The following STYXL2 variants were observed in gnomAD, a reference collection of about 807,000 sequenced individuals.
STYXL2 encodes the protein serine/threonine/tyrosine interacting like 2, also known as serine/threonine/tyrosine-interacting-like protein 2.
In STYXL2, 44 loss-of-function variants were observed where a neutral mutation model predicts 52.4. That is an observed-to-expected ratio of 0.84 (90% CI 0.66 to 1.08). The LOEUF (loss-of-function observed/expected upper bound fraction) is 1.08. Among genes scored for constraint, STYXL2 ranks in the 50% least tolerant of loss-of-function variants. The pLI, the probability that STYXL2 is intolerant of heterozygous loss-of-function variation, is 0.00. For synonymous variants in STYXL2, 604 were observed against 586.9 expected (o/e 1.03, Z -0.42); for missense variants, 1,604 against 1,471.7 (o/e 1.09, Z -1.47).
chr1:167,125,419 C>T (rs1316616736), intron 5 of STYXL2, among the ~76,000 whole-genome samples: 1 of 152,200 alleles, frequency 6.6e-6, no homozygotes, highest in African/African-American at 2.4e-5. Flanking sequence ...TATGATGCTT[C>T]CCAACACCAA....
chr1:167,126,333 A>T lies in STYXL2; in HGVS notation c.1202A>T (p.Glu401Val). Residue 401 changes from glutamate to valine, a missense_variant, in exon 6 of 6, where the codon GAG (glutamate) becomes GTG (valine). Glu to Val is a moderately radical substitution (Grantham distance 121). Transcript: ENST00000361200. ...ATCCAGGAGTGGCAGAGCCGAAACGAGAGGTACCAAGCAGAAGGGTACCGG... is the reference window on the plus strand; with the variant it reads ...ATCCAGGAGTGGCAGAGCCGAAACGTGAGGTACCAAGCAGAAGGGTACCGG... ...RIIQEWQSRN[E>V]RYQAEGYRRW... 6.6e-7 allele frequency: 1 copy of T among 1,522,484 alleles called. No individual in the cohort carries two copies. Among genetic ancestry groups the T allele is most frequent in the Non-Finnish European group, 8.8e-7 (1 of 1,132,366 alleles). The allele number at this position is 1,522,484 out of a possible 1,614,324, so 94.3% of individuals were successfully genotyped here. A position where few individuals can be genotyped will look rare whatever the true frequency, so the allele number is the denominator to read the frequency against.
Position 167,094,566 on chromosome 1 carries a change from C to G in STYXL2, c.-16-268C>G, listed in dbSNP as rs564326818. ...GGTAACCTGCTGGCTCCTCTGCCTG[C>G]TCCCTTGCTGACATCTGTGGAAGGA... On this transcript the variant is annotated intron_variant, in intron 1 of 5. Transcript: ENST00000361200. The G allele has an allele frequency of 1.3e-5, 5 of 392,254 alleles. No homozygotes were observed. In the East Asian group the frequency reaches 2.6e-4, roughly 20 times the overall value. 24.3% of individuals were successfully genotyped at this position (392,254 alleles called of 1,614,324 possible).
At chr1:167,121,099 G>A (rs1186110925) in intron 5 of STYXL2, among the ~76,000 whole-genome samples, 4 of 149,582 alleles carry the variant, frequency 2.7e-5, no homozygotes, top group Non-Finnish European at 4.4e-5. Context: ...TGCAACCTCT[G>A]TCTCCTGGGT....
chr1:167,127,051 C>T lies in STYXL2; in HGVS notation c.1920C>T (p.Ser640=). The change falls in exon 6 of 6, where the codon AGC becomes AGT. Residue 640 remains serine (S), a synonymous_variant. Coordinates refer to ENST00000361200, the MANE Select transcript of STYXL2 (RefSeq NM_001080426.3). ...LERSRQTLEE[S]QSMASWEADS... is the part of the protein sequence containing the mutation. The stretch of plus-strand genomic sequence containing the variant: ...GAAGCCGGCAGACGCTGGAGGAGAG[C>T]CAGTCTATGGCAAGCTGGGAGGCGG... The T allele has an allele frequency of 6.2e-7, 1 of 1,610,074 alleles. No homozygotes were observed. The highest frequency in any genetic ancestry group is 2.2e-5 in the East Asian group (1 of 44,788).
At chr1:167,117,273 A>G in intron 3 of STYXL2, 55 bp from the exon 4 acceptor site, 2 of 1,457,444 alleles carry the variant, frequency 1.4e-6, no homozygotes, top group Non-Finnish European at 1.9e-6. Context: ...CCCAGGAACA[A>G]GGAAGGCCAT....
chr1:167,113,234 A>G (rs947982607), intron 2 of STYXL2, among the ~76,000 whole-genome samples: 1 of 152,070 alleles, frequency 6.6e-6, no homozygotes, highest in Non-Finnish European at 1.5e-5. Context: ...TTCCCTTACA[A>G]ACAGGGAGAA....
chr1:167,125,189 T>C (rs1232554247), intron 5 of STYXL2, among the ~76,000 whole-genome samples: 2 of 152,240 alleles, frequency 1.3e-5, no homozygotes, highest in East Asian at 1.9e-4. Context: ...GCAGGAGTAC[T>C]GGATGCTTGT....
chr1:167,096,085 C>T (rs1208817201), intron 2 of STYXL2, among the ~76,000 whole-genome samples: 2 of 151,974 alleles, frequency 1.3e-5, no homozygotes, highest in Non-Finnish European at 2.9e-5. Flanking sequence ...TAGTGAAACC[C>T]CATCTCTACT....
At chr1:167,117,730 G>A (rs1054660389) in intron 4 of STYXL2, among the ~76,000 whole-genome samples, 171 bp downstream of exon 4, 1 of 152,176 alleles carries the variant, frequency 6.6e-6, no homozygotes, top group African/African-American at 2.4e-5. Flanking sequence ...CCATCCACCT[G>A]CATTCGGAGG....
intron 2 of STYXL2, among the ~76,000 whole-genome samples, chr1:167,102,343 A>G (rs1350835776): frequency 9.2e-5 from 14 of 151,846 alleles, no homozygotes; most frequent in Admixed American, 9.2e-4. Flanking sequence ...ACCCTCTTTT[A>G]GGAGGCAGTA....
At chr1:167,094,804 C>T in intron 1 of STYXL2, 30 bp from the exon 2 acceptor site, 2 of 1,508,358 alleles carry the variant, frequency 1.3e-6, no homozygotes, top group Non-Finnish European at 9.1e-7. Context: ...ACCTAATTCC[C>T]TAACTGCCTT....
intron 2 of STYXL2, among the ~76,000 whole-genome samples, chr1:167,111,345 A>C (rs1362769587): frequency 6.6e-6 from 1 of 151,694 alleles, no homozygotes; most frequent in Non-Finnish European, 1.5e-5. Context: ...ACCCAGAGGA[A>C]AAGAAGTCAT....
intron 5 of STYXL2, among the ~76,000 whole-genome samples, chr1:167,121,853 G>A (rs927065761): frequency 6.6e-6 from 1 of 152,212 alleles, no homozygotes; most frequent in Middle Eastern, 3.2e-3. Context: ...TCCCTGCCAG[G>A]CAGCGAAAGG....
chr1:167,123,985 A>G (rs1571346842), intron 5 of STYXL2, among the ~76,000 whole-genome samples: 1 of 150,742 alleles, frequency 6.6e-6, no homozygotes. Flanking sequence ...TGGGACAATC[A>G]CCACTCACTG....
Position 167,128,386 on chromosome 1 carries a change from G to A in STYXL2, c.3255G>A (p.Lys1085=). 22 of 1,614,160 alleles carry A rather than the reference G, an allele frequency of 1.4e-5. No individual in the cohort carries two copies. The highest frequency in any genetic ancestry group is 1.8e-5 in the Non-Finnish European group (21 of 1,180,004). ...CAGACTTCTCTGAATTTGGAGCCAAGAGGAAGTTCACCCAGAGCTTTATGA... is the reference window on the plus strand; with the variant it reads ...CAGACTTCTCTGAATTTGGAGCCAAAAGGAAGTTCACCCAGAGCTTTATGA... ...SKSDFSEFGA[K]RKFTQSFMRS... Residue 1085 remains lysine, a synonymous_variant, in exon 6 of 6, where the codon AAG becomes AAA. Transcript: ENST00000361200.
At chr1:167,117,795 C>G (rs564921372) in intron 4 of STYXL2, among the ~76,000 whole-genome samples, 1 of 152,334 alleles carries the variant, frequency 6.6e-6, no homozygotes, top group African/African-American at 2.4e-5. Flanking sequence ...TGCCAGGACT[C>G]TCTTGTCCCT....
chr1:167,119,306 T>G lies in STYXL2; in HGVS notation c.495T>G (p.Asn165Lys). 6.2e-7 allele frequency: 1 copy of G among 1,614,228 alleles called. No homozygotes were observed. The highest frequency in any genetic ancestry group is 8.5e-7 in the Non-Finnish European group (1 of 1,180,040). The change falls in exon 5 of 6, where the codon AAT becomes AAG. Residue 165 changes from asparagine to lysine, a missense_variant. Asn to Lys is a moderately conservative substitution (Grantham distance 94). Transcript: ENST00000361200. ...LKRLGITHILNAAHGTGVYTG... is the reference protein window; with the variant it reads ...LKRLGITHILKAAHGTGVYTG... Reference sequence around the variant, plus strand: ...GGCTGGGAATCACCCACATTCTGAATGCTGCGCATGGCACCGGCGTTTACA... The same window carrying G: ...GGCTGGGAATCACCCACATTCTGAAGGCTGCGCATGGCACCGGCGTTTACA...
chr1:167,117,800 G>A (rs1667762301), intron 4 of STYXL2, among the ~76,000 whole-genome samples: 1 of 152,170 alleles, frequency 6.6e-6, no homozygotes, highest in South Asian at 2.1e-4. Context: ...GGACTCTCTT[G>A]TCCCTCAAGA....
chr1:167,125,164 C>A lies in STYXL2; in HGVS notation c.656-623C>A, dbSNP rs570796605. On this transcript the variant is annotated intron_variant, in intron 5 of 5. Transcript: ENST00000361200. ...TTTCATACAATGTATCCATAGTTGA[C>A]TTTATAATGTCAGAGCAGGAGTACT... is the stretch of plus-strand genomic sequence containing the variant. 1.4e-4 allele frequency among the ~76,000 whole-genome samples: 21 copies of A among 152,252 alleles called. No homozygotes were observed. In the East Asian group the frequency reaches 3.9e-3, roughly 28 times the overall value.
Sources: gnomAD v4.1 joint callset for allele counts (sites outside exome capture counted in the v4.1 genomes callset) on GRCh38, gnomAD v4.1.1 for gene constraint, MANE v1.5 for transcripts, NCBI Gene and HGNC (gene_info 2026-07-23, HGNC 2026-07-21) for gene names.